Variants in ESYT2 observed in about 807,000 individuals in gnomAD.
The protein encoded by ESYT2 is extended synaptotagmin 2.
In ESYT2, 54 loss-of-function variants were observed where a neutral mutation model predicts 107.2. The ratio of observed to expected loss-of-function variants is 0.50; its 90% confidence interval spans 0.40 to 0.63. The LOEUF is 0.63. ESYT2 is among the 30% of genes least tolerant of loss of function. The pLI is 0.00. For synonymous variants in ESYT2, 491 were observed against 434.1 expected, an observed-to-expected ratio of 1.13 and a Z score of -1.63; for missense variants, 1,020 against 1,094.5, an observed-to-expected ratio of 0.93 and a Z score of 0.96.
chr7:158,782,294 A>G (rs1488141162), intron 6 of ESYT2, among the ~76,000 whole-genome samples: 1 of 147,778 alleles, frequency 6.8e-6, no homozygotes, highest in African/African-American at 2.5e-5. Context: ...GAAATGTGTG[A>G]AACAAGTGAA....
intron 1 of ESYT2, among the ~76,000 whole-genome samples, chr7:158,802,619 G>A (rs927514146): frequency 1.3e-5 from 2 of 152,168 alleles, no homozygotes; most frequent in Admixed American, 1.3e-4. Context: ...AGTACAGCAG[G>A]CACTTGACAG....
chr7:158,758,601 C>G (rs1837849596), intron 13 of ESYT2, among the ~76,000 whole-genome samples: 1 of 152,194 alleles, frequency 6.6e-6, no homozygotes, highest in African/African-American at 2.4e-5. Flanking sequence ...CAATGAACAA[C>G]TTGGGGAGGA....
chr7:158,814,027 A>G (rs1461047281), intron 1 of ESYT2, among the ~76,000 whole-genome samples: 8 of 152,026 alleles, frequency 5.3e-5, no homozygotes, highest in Admixed American at 5.2e-4. Context: ...TGATCCCAGC[A>G]CTTTGGGAGG....
At chr7:158,736,341 A>G (rs1013581785) in intron 20 of ESYT2, among the ~76,000 whole-genome samples, 2 of 152,250 alleles carry the variant, frequency 1.3e-5, no homozygotes, top group African/African-American at 4.8e-5. Flanking sequence ...CTGAATTAGC[A>G]GATAGCGACA....
At chr7:158,736,583 C>T (rs1257854811) in intron 20 of ESYT2, among the ~76,000 whole-genome samples, 1 of 149,968 alleles carries the variant, frequency 6.7e-6, no homozygotes, top group East Asian at 2.0e-4. Flanking sequence ...AGCAAAAATG[C>T]TGAACAATAA....
At chr7:158,822,854 C>T (rs889109348) in intron 1 of ESYT2, among the ~76,000 whole-genome samples, 1 of 152,138 alleles carries the variant, frequency 6.6e-6, no homozygotes, top group Non-Finnish European at 1.5e-5. Flanking sequence ...CTAACCCTTT[C>T]ATTAACTCTC....
At position 158,829,432 on chromosome 7, in the gene ESYT2, C is replaced by G; in HGVS notation, c.-14G>C. On this transcript the variant is annotated 5_prime_UTR_variant, in exon 1 of 23. Coordinates refer to ENST00000275418, the MANE Select transcript of ESYT2 (RefSeq NM_001367773.1). The stretch of plus-strand genomic sequence containing the variant: ...GGCGCCGCTCATCGCCCCGCAGTGC[C>G]GCGCTGCCCTCCCGGCCGAGGCGGG... 1 of 1,183,836 alleles carries G rather than the reference C, an allele frequency of 8.4e-7. No individual in the cohort carries two copies. Among genetic ancestry groups the G allele is most frequent in the Non-Finnish European group, 1.0e-6 (1 of 960,236 alleles). 73.3% of individuals were successfully genotyped at this position (1,183,836 alleles called of 1,614,324 possible).
intron 16 of ESYT2, among the ~76,000 whole-genome samples, chr7:158,745,960 T>C (rs1304483256): frequency 6.6e-6 from 1 of 152,092 alleles, no homozygotes; most frequent in East Asian, 1.9e-4. Flanking sequence ...TAAGTGGGAC[T>C]GAAATAATAA....
Position 158,734,410 on chromosome 7 carries a change from A to G in ESYT2, c.2555+12T>C, listed in dbSNP as rs757089802. 1 of 1,613,806 alleles carries G rather than the reference A, an allele frequency of 6.2e-7. No homozygotes were observed. Among genetic ancestry groups the G allele is most frequent in the East Asian group, 2.2e-5 (1 of 44,886 alleles). On this transcript the variant is annotated intron_variant, in intron 22 of 22. Coordinates refer to ENST00000275418, the MANE Select transcript of ESYT2 (RefSeq NM_001367773.1). Reference sequence around the variant, plus strand: ...CACACTGGGGTTCTCTGTCTGCAGCAGGGACACTCACCACTGGGTCCAGCC... The same window carrying G: ...CACACTGGGGTTCTCTGTCTGCAGCGGGGACACTCACCACTGGGTCCAGCC...
At chr7:158,758,408 A>G (rs1175805016) in intron 13 of ESYT2, among the ~76,000 whole-genome samples, 1 of 152,204 alleles carries the variant, frequency 6.6e-6, no homozygotes, top group Non-Finnish European at 1.5e-5. Flanking sequence ...AGGCAAGACT[A>G]CAGGGGATCG....
chr7:158,779,360 C>G (rs1360122207), intron 6 of ESYT2, among the ~76,000 whole-genome samples: 1 of 152,118 alleles, frequency 6.6e-6, no homozygotes, highest in Non-Finnish European at 1.5e-5. Context: ...TCACTGCACT[C>G]TAGCCTGGGC....
chr7:158,761,389 G>A, intron 11 of ESYT2, 107 bp downstream of exon 11: 1 of 887,540 alleles, frequency 1.1e-6, no homozygotes, highest in South Asian at 1.5e-5. Flanking sequence ...ATACTAATTA[G>A]GATTCCGGCA....
At chr7:158,758,085 A>G (rs1587398244) in intron 13 of ESYT2, among the ~76,000 whole-genome samples, 1 of 6,758 alleles carries the variant, frequency 1.5e-4, no homozygotes, top group African/African-American at 1.5e-3. Flanking sequence ...TCAAAGGCTA[A>G]GGTAAATAAG....
chr7:158,815,709 A>C (rs888984291), intron 1 of ESYT2, among the ~76,000 whole-genome samples: 3 of 152,010 alleles, frequency 2.0e-5, no homozygotes, highest in Admixed American at 6.6e-5. Flanking sequence ...GCTCCTCCTC[A>C]TCCCACCTCT....
chr7:158,792,435 A>G (rs2709853), intron 4 of ESYT2, among the ~76,000 whole-genome samples: 142,281 of 150,956 alleles, frequency 0.94, 67,102 homozygotes, highest in Middle Eastern at 0.96. Flanking sequence ...GGCTGAGGTG[A>G]GAGGATCGCT....
At chr7:158,738,395 T>C (rs67740724) in intron 19 of ESYT2, among the ~76,000 whole-genome samples, 32,714 of 145,738 alleles carry the variant, frequency 0.22, 4,710 homozygotes, top group East Asian at 0.59. Flanking sequence ...TGCTCTAGGC[T>C]ACACATTTGT....
intron 1 of ESYT2, among the ~76,000 whole-genome samples, chr7:158,826,980 T>C (rs1840471445): frequency 6.6e-6 from 1 of 151,122 alleles, no homozygotes; most frequent in Non-Finnish European, 1.5e-5. Flanking sequence ...CTGGCCAACA[T>C]GGTGAAACCC....
chr7:158,753,015 A>G (rs1837631434), intron 13 of ESYT2, among the ~76,000 whole-genome samples, 172 bp from the exon 14 acceptor site: 1 of 152,244 alleles, frequency 6.6e-6, no homozygotes. Context: ...CTTTATGCCC[A>G]AGACTTCATC....
intron 1 of ESYT2, among the ~76,000 whole-genome samples, chr7:158,808,301 G>A (rs1476346120): frequency 6.6e-6 from 1 of 152,232 alleles, no homozygotes; most frequent in Non-Finnish European, 1.5e-5. Flanking sequence ...TCCAGCTCGA[G>A]ACACGAGCCC....
Sources: gnomAD v4.1 joint callset for allele counts (sites outside exome capture counted in the v4.1 genomes callset) on GRCh38, gnomAD v4.1.1 for gene constraint, MANE v1.5 for transcripts, NCBI Gene and HGNC (gene_info 2026-07-23, HGNC 2026-07-21) for gene names.